The following DNAH8 variants were observed in gnomAD, a reference collection of about 807,000 sequenced individuals.
DNAH8 encodes the protein dynein axonemal heavy chain 8.
Under a neutral mutation model 562.1 loss-of-function variants are expected in DNAH8, and 382 were observed. The ratio of observed to expected loss-of-function variants is 0.68; its 90% confidence interval spans 0.63 to 0.74. DNAH8 has a LOEUF of 0.74. Ranked by LOEUF, DNAH8 falls within the 30% of genes least tolerant of loss-of-function variation. DNAH8 has a pLI of 0.00. For synonymous variants in DNAH8, 1,881 were observed against 1,919.4 expected, an observed-to-expected ratio of 0.98 and a Z score of 0.52; for missense variants, 5,203 against 5,620.4, an observed-to-expected ratio of 0.93 and a Z score of 2.37.
At chr6:38,928,997 G>A (rs564099005) in intron 74 of DNAH8, among the ~76,000 whole-genome samples, 6 of 152,118 alleles carry the variant, frequency 3.9e-5, no homozygotes, top group Non-Finnish European at 8.8e-5. Flanking sequence ...TTGACTTTAC[G>A]GAAAGTGTTA....
Position 38,815,614 on chromosome 6 carries a change from C to A in DNAH8, c.3480C>A (p.Asp1160Glu). Residue 1160 changes from aspartate to glutamate, a missense_variant, in exon 26 of 93, where the codon GAC (aspartate) becomes GAA (glutamate). Physicochemically the swap from Asp to Glu is conservative, Grantham distance 45. Around this residue, in one of 6 missense-constraint regions of DNAH8, gnomAD observed 2,176 missense variants for 2,365.1 expected, o/e 0.92. Transcript: ENST00000327475. ...TCATTCCCAGCCCCACCACTACTGACGTGACCCATCAAAACACAGGAAAAC... is the reference window on the plus strand; with the variant it reads ...TCATTCCCAGCCCCACCACTACTGAAGTGACCCATCAAAACACAGGAAAAC... ...KSVIPSPTTT[D>E]VTHQNTGKLL... is the part of the protein sequence containing the mutation. 6.2e-7 allele frequency: 1 copy of A among 1,613,730 alleles called. No individual in the cohort carries two copies. The highest frequency in any genetic ancestry group is 1.7e-4 in the Middle Eastern group (1 of 6,054).
intron 62 of DNAH8, among the ~76,000 whole-genome samples, chr6:38,904,859 C>T (rs1780336608): frequency 6.6e-6 from 1 of 150,484 alleles, no homozygotes; most frequent in Non-Finnish European, 1.5e-5. Flanking sequence ...AACTGATATG[C>T]ATGACGACAC....
chr6:38,756,122 A>C, intron 10 of DNAH8, 43 bp downstream of exon 10: 1 of 1,256,256 alleles, frequency 8.0e-7, no homozygotes, highest in Non-Finnish European at 1.2e-6. Context: ...CCTGTGAAAA[A>C]GTTAGCAAAT....
Position 38,723,362 on chromosome 6 carries a change from G to A in DNAH8, c.416G>A (p.Ser139Asn). 2 of 1,610,874 alleles carry A rather than the reference G, an allele frequency of 1.2e-6. No individual in the cohort carries two copies. Among genetic ancestry groups the A allele is most frequent in the Non-Finnish European group, 1.7e-6 (2 of 1,179,476 alleles). The change falls in exon 3 of 93, where the codon AGC becomes AAC. Residue 139 changes from serine to asparagine, a missense_variant. By Grantham distance (46) the Ser-to-Asn change is conservative (BLOSUM62 1). This residue lies in a region of DNAH8 where 556 missense variants were observed against 496.9 expected (regional missense o/e 1.12). Transcript: ENST00000327475. ...RQARFREARE[S>N]RRLKIDPSYK... ...GCAAGATTTAGAGAGGCAAGGGAAA[G>A]CCGAAGACTGAAAATTGACCCTTCA...
chr6:38,937,990 C>T lies in DNAH8; in HGVS notation c.11580C>T (p.Asp3860=), dbSNP rs149356438. 542 of 1,613,464 alleles carry T rather than the reference C, an allele frequency of 3.4e-4. No individual in the cohort carries two copies. In the African/African-American group the frequency reaches 5.2e-3, roughly 16 times the overall value. The change falls in exon 78 of 93, where the codon GAC becomes GAT. Residue 3860 remains aspartate, a synonymous_variant. Coordinates refer to ENST00000327475, the MANE Select transcript of DNAH8 (RefSeq NM_001206927.2). ...LSATKGSLVD[D]ESLIGVLRTT... is the part of the protein sequence containing the mutation. ...GAATTTCAGGCTCATTGGTAGATGA[C>T]GAATCTCTCATTGGTGTACTTCGAA...
At chr6:38,915,644 A>G (rs1173952553) in intron 68 of DNAH8, among the ~76,000 whole-genome samples, 4 of 152,128 alleles carry the variant, frequency 2.6e-5, no homozygotes, top group Non-Finnish European at 5.9e-5. Flanking sequence ...ACTGTGAGAA[A>G]TTCAGATTAC....
At chr6:38,997,382 A>G (rs190084432) in intron 88 of DNAH8, among the ~76,000 whole-genome samples, 2 of 152,336 alleles carry the variant, frequency 1.3e-5, no homozygotes, top group African/African-American at 4.8e-5. Flanking sequence ...ACCCAGCTCC[A>G]GCAAGATGTA....
At chr6:38,935,879 AG>A (rs1290292134) in intron 77 of DNAH8, among the ~76,000 whole-genome samples, 182 bp downstream of exon 77, 3 of 152,220 alleles carry the variant, frequency 2.0e-5, no homozygotes, top group African/African-American at 7.2e-5. Context: ...TTTTTGAATT[AG>A]CAAATAGAGA....
chr6:38,924,232 G>T lies in DNAH8; in HGVS notation c.10962+70G>T, dbSNP rs888649734. On this transcript the variant is annotated intron_variant, in intron 73 of 92. Coordinates refer to ENST00000327475, the MANE Select transcript of DNAH8 (RefSeq NM_001206927.2). The stretch of plus-strand genomic sequence containing the variant: ...TATTTCTTACTTACTGAGAAACCCG[G>T]CTGGGTGTGGTGGCTCACATCTGTA... 1.0e-5 allele frequency: 15 copies of T among 1,507,050 alleles called. No individual in the cohort carries two copies. In the African/African-American group the frequency reaches 1.8e-4, roughly 18 times the overall value. 93.4% of individuals were successfully genotyped at this position (1,507,050 alleles called of 1,614,324 possible).
At chr6:38,803,826 A>G (rs375499045) in intron 22 of DNAH8, among the ~76,000 whole-genome samples, 8 of 150,954 alleles carry the variant, frequency 5.3e-5, no homozygotes, top group Non-Finnish European at 1.2e-4. Flanking sequence ...ACTTACAACT[A>G]TCTTTGGGGT....
intron 27 of DNAH8, 62 bp from the exon 28 acceptor site, chr6:38,823,500 T>C: frequency 7.6e-7 from 1 of 1,309,810 alleles, no homozygotes; most frequent in Non-Finnish European, 1.1e-6. Context: ...AATTTTCTAA[T>C]GTAACTATGG....
chr6:38,799,379 G>A (rs902999370), intron 21 of DNAH8, among the ~76,000 whole-genome samples: 25 of 151,836 alleles, frequency 1.6e-4, no homozygotes, highest in African/African-American at 5.3e-4. Context: ...TATCCTCAGC[G>A]TTGTCCTCTC....
chr6:38,749,494 A>G (rs759229961), intron 8 of DNAH8, among the ~76,000 whole-genome samples: 1 of 151,808 alleles, frequency 6.6e-6, no homozygotes, highest in Non-Finnish European at 1.5e-5. Context: ...ATACTATGTA[A>G]CAAACCTACG....
At chr6:38,888,471 A>G (rs1317094537) in intron 57 of DNAH8, among the ~76,000 whole-genome samples, 1 of 152,208 alleles carries the variant, frequency 6.6e-6, no homozygotes, top group East Asian at 1.9e-4. Context: ...GGAAGAAAAA[A>G]TTTTAACACA....
At chr6:38,913,646 T>C (rs1781075686) in intron 66 of DNAH8, among the ~76,000 whole-genome samples, 1 of 152,228 alleles carries the variant, frequency 6.6e-6, no homozygotes, top group Non-Finnish European at 1.5e-5. Context: ...GTCAGAGCTA[T>C]TTTCTTTGCC....
At chr6:38,838,987 T>A (rs966024280) in intron 33 of DNAH8, among the ~76,000 whole-genome samples, 9 of 152,204 alleles carry the variant, frequency 5.9e-5, no homozygotes, top group African/African-American at 2.2e-4. Flanking sequence ...AAAATAGACA[T>A]GAAATTTTCT....
intron 82 of DNAH8, among the ~76,000 whole-genome samples, chr6:38,965,853 T>C (rs1398472556): frequency 2.0e-5 from 3 of 152,142 alleles, no homozygotes; most frequent in African/African-American, 7.2e-5. Flanking sequence ...AATCAATCTT[T>C]TTCTTCCCCA....
intron 35 of DNAH8, among the ~76,000 whole-genome samples, chr6:38,844,842 T>G (rs1775152993): frequency 6.6e-6 from 1 of 152,182 alleles, no homozygotes; most frequent in Non-Finnish European, 1.5e-5. Flanking sequence ...CCTCCTCCTC[T>G]ACGAAGCTGT....
intron 21 of DNAH8, among the ~76,000 whole-genome samples, chr6:38,793,727 T>C (rs1168890239): frequency 6.6e-6 from 1 of 152,194 alleles, no homozygotes; most frequent in Non-Finnish European, 1.5e-5. Context: ...TTATTTTATA[T>C]TCTTTTTCAA....
Sources: allele counts gnomAD v4.1 joint callset (sites outside exome capture counted in the v4.1 genomes callset), GRCh38; gene constraint gnomAD v4.1.1; regional missense constraint gnomAD v4.1.1; transcripts MANE v1.5; gene names NCBI Gene and HGNC (gene_info 2026-07-23, HGNC 2026-07-21).